The following FBXO42 variants were observed in gnomAD, a reference collection of about 807,000 sequenced individuals.
The protein encoded by FBXO42 is F-box only protein 42.
FBXO42 carries 12 observed loss-of-function variants against 71.7 expected under a neutral mutation model. The observed-to-expected ratio is 0.17, with a 90% CI of 0.11 to 0.27. The LOEUF (loss-of-function observed/expected upper bound fraction) is 0.27, where lower values mean the gene tolerates loss of function less well. Among genes scored for constraint, FBXO42 ranks in the 10% least tolerant of loss-of-function variants. FBXO42 has a pLI of 1.00. For synonymous variants in FBXO42, 325 were observed against 327.5 expected, an observed-to-expected ratio of 0.99 and a Z score of 0.08; for missense variants, 707 against 911.9, an observed-to-expected ratio of 0.78 and a Z score of 2.89.
intron 4 of FBXO42, among the ~76,000 whole-genome samples, chr1:16,271,693 C>T (rs1363589906): frequency 6.6e-6 from 1 of 152,138 alleles, no homozygotes. Flanking sequence ...TTACCTCCAT[C>T]CACAGCCTTT....
intron 3 of FBXO42, among the ~76,000 whole-genome samples, chr1:16,297,872 A>AG (rs1477154152): frequency 6.6e-6 from 1 of 150,726 alleles, no homozygotes; most frequent in Non-Finnish European, 1.5e-5. Context: ...ATCTCAAAAA[A>AG]AAAAAAAAAA....
intron 1 of FBXO42, among the ~76,000 whole-genome samples, chr1:16,345,219 C>G (rs1452499542): frequency 6.9e-6 from 1 of 145,100 alleles, no homozygotes; most frequent in African/African-American, 2.6e-5. Flanking sequence ...GCCAGGAGTT[C>G]GAGACCAGCC....
intron 1 of FBXO42, among the ~76,000 whole-genome samples, chr1:16,341,221 T>C (rs1048793209): frequency 1.3e-5 from 2 of 152,216 alleles, no homozygotes; most frequent in Admixed American, 1.3e-4. Context: ...ATTTAAAGGA[T>C]AAACCAAAAC....
chr1:16,313,344 G>C (rs553424669), intron 2 of FBXO42, among the ~76,000 whole-genome samples: 1 of 148,798 alleles, frequency 6.7e-6, no homozygotes, highest in African/African-American at 2.5e-5. Flanking sequence ...AAGAAAGAAA[G>C]AAAGAAAGAA....
intron 1 of FBXO42, among the ~76,000 whole-genome samples, chr1:16,318,944 T>G (rs2082392109): frequency 6.6e-6 from 1 of 152,184 alleles, no homozygotes; most frequent in African/African-American, 2.4e-5. Flanking sequence ...AGCTAACAGC[T>G]TCAGCCAGCC....
In FBXO42 at chr1:16,251,368, G is replaced by T; in HGVS notation, c.1456C>A (p.Arg486=). The T allele has an allele frequency of 6.2e-7, 1 of 1,614,154 alleles. No individual in the cohort carries two copies. Among genetic ancestry groups the T allele is most frequent in the South Asian group, 1.1e-5 (1 of 91,082 alleles). ...LKIGLSLAPR[R]GSLPDQKDLR... is the part of the protein sequence containing the mutation. Reference sequence around the variant, plus strand: ...TCTTTCTGATCTGGTAGTGATCCTCGTCGGGGGGCCAAAGAAAGTCCTATT... The same window carrying T: ...TCTTTCTGATCTGGTAGTGATCCTCTTCGGGGGGCCAAAGAAAGTCCTATT... Residue 486 remains arginine, a synonymous_variant, in exon 10 of 10, where the codon CGA becomes AGA. Coordinates refer to ENST00000375592, the MANE Select transcript of FBXO42 (RefSeq NM_018994.3). This position sits in a 1 kb window ranked among gnomAD's most constrained non-coding sequence, Gnocchi z 4.5.
At chr1:16,318,020 T>C (rs1054875113) in intron 1 of FBXO42, among the ~76,000 whole-genome samples, 5 of 152,190 alleles carry the variant, frequency 3.3e-5, no homozygotes, top group Non-Finnish European at 7.3e-5. Flanking sequence ...GTGAGGTATC[T>C]GAGGTACTAG....
chr1:16,347,727 C>T (rs940155264), intron 1 of FBXO42, among the ~76,000 whole-genome samples: 2 of 152,030 alleles, frequency 1.3e-5, no homozygotes, highest in Non-Finnish European at 2.9e-5. Flanking sequence ...CAGTGGCTCA[C>T]GCCTGTAATC....
intron 1 of FBXO42, among the ~76,000 whole-genome samples, chr1:16,346,410 G>A (rs530578804): frequency 6.6e-6 from 1 of 152,124 alleles, no homozygotes; most frequent in East Asian, 1.9e-4. Context: ...ATAAGAGAGC[G>A]AGGCGTAGTG....
chr1:16,305,197 C>A (rs566648782), intron 3 of FBXO42, among the ~76,000 whole-genome samples: 2 of 151,622 alleles, frequency 1.3e-5, no homozygotes, highest in Non-Finnish European at 2.9e-5. Flanking sequence ...CAAGCCTGGG[C>A]AATACAGTGA....
intron 1 of FBXO42, among the ~76,000 whole-genome samples, chr1:16,328,636 T>C (rs1472552626): frequency 6.6e-6 from 1 of 152,158 alleles, no homozygotes; most frequent in African/African-American, 2.4e-5. Flanking sequence ...CACACATATA[T>C]ACATGTGTTA....
intron 1 of FBXO42, among the ~76,000 whole-genome samples, chr1:16,332,023 T>C (rs1201497256): frequency 1.3e-5 from 2 of 151,616 alleles, no homozygotes; most frequent in African/African-American, 4.8e-5. Context: ...CACTCCAGTC[T>C]GGGCAACAAG....
Position 16,250,643 on chromosome 1 carries a change from C to G in FBXO42, c.*27G>C. On this transcript the variant is annotated 3_prime_UTR_variant, in exon 10 of 10. Transcript: ENST00000375592. The surrounding 1 kb of genome is among the most constrained non-coding windows in gnomAD (Gnocchi z 4.7). ...CTGGAAAATTCCAAATTAAAAGCCA[C>G]AGAAAAGGAAAGGGGTTTAGAACAC... The G allele has an allele frequency of 5.1e-6, 8 of 1,583,524 alleles. No homozygotes were observed. Among genetic ancestry groups the G allele is most frequent in the Non-Finnish European group, 6.9e-6 (8 of 1,164,108 alleles).
At chr1:16,259,248 A>G (rs1468044148) in intron 4 of FBXO42, among the ~76,000 whole-genome samples, 1 of 152,182 alleles carries the variant, frequency 6.6e-6, no homozygotes, top group Non-Finnish European at 1.5e-5. Context: ...TTAAAACACA[A>G]CTATTGCTCT....
intron 4 of FBXO42, among the ~76,000 whole-genome samples, chr1:16,266,355 T>A (rs1444081867): frequency 6.6e-6 from 1 of 152,186 alleles, no homozygotes; most frequent in Non-Finnish European, 1.5e-5. Flanking sequence ...CACAGTGGCA[T>A]GTACCTGTAG....
intron 4 of FBXO42, among the ~76,000 whole-genome samples, chr1:16,267,470 T>C (rs1237735104): frequency 6.6e-6 from 1 of 152,180 alleles, no homozygotes; most frequent in Non-Finnish European, 1.5e-5. Context: ...GGACTATTTC[T>C]TATGAAAATG....
chr1:16,265,303 C>T (rs1255818957), intron 4 of FBXO42, among the ~76,000 whole-genome samples: 1 of 152,068 alleles, frequency 6.6e-6, no homozygotes, highest in East Asian at 1.9e-4. Flanking sequence ...GTTGGTCAGG[C>T]TGGTCTCGAA....
intron 1 of FBXO42, among the ~76,000 whole-genome samples, chr1:16,325,294 A>G (rs746644243): frequency 6.6e-6 from 1 of 152,122 alleles, no homozygotes; most frequent in Non-Finnish European, 1.5e-5. Flanking sequence ...TAAACTAAAA[A>G]ACACATTTTT....
At chr1:16,344,595 C>A (rs550110831) in intron 1 of FBXO42, among the ~76,000 whole-genome samples, 1 of 151,612 alleles carries the variant, frequency 6.6e-6, no homozygotes, top group Admixed American at 6.6e-5. Flanking sequence ...CTCAGCCTCC[C>A]AAAGTGCTGG....
Sources: allele counts gnomAD v4.1 joint callset (sites outside exome capture counted in the v4.1 genomes callset), GRCh38; gene constraint gnomAD v4.1.1; non-coding constraint Gnocchi (gnomAD v3.1); transcripts MANE v1.5; gene names NCBI Gene and HGNC (gene_info 2026-07-23, HGNC 2026-07-21).